SYK: variants seen among roughly 807,000 people sequenced by gnomAD.
The protein encoded by SYK is spleen associated tyrosine kinase, also known as tyrosine-protein kinase SYK.
SYK carries 16 observed loss-of-function variants against 77.8 expected under a neutral mutation model. The ratio of observed to expected loss-of-function variants is 0.21; its 90% CI spans 0.14 to 0.31. SYK has a LOEUF of 0.31. Ranked by LOEUF, SYK falls within the 10% of genes least tolerant of loss-of-function variation. The pLI is 1.00. For synonymous variants in SYK, 312 were observed against 308.7 expected (o/e 1.01, Z -0.11); for missense variants, 529 against 814.4 (o/e 0.65, Z 4.26).
chr9:90,886,016 C>G (rs1828560197), intron 11 of SYK, among the ~76,000 whole-genome samples: 1 of 152,140 alleles, frequency 6.6e-6, no homozygotes, highest in Non-Finnish European at 1.5e-5. Flanking sequence ...TAGACTGATC[C>G]TAGAAGAAAT....
At chr9:90,873,026 T>C (rs1827788559) in intron 7 of SYK, among the ~76,000 whole-genome samples, 1 of 152,232 alleles carries the variant, frequency 6.6e-6, no homozygotes, top group Non-Finnish European at 1.5e-5. Context: ...GCTTGGGCCA[T>C]GGTGAACAAT....
At chr9:90,809,202 G>A (rs1201977033) in intron 1 of SYK, among the ~76,000 whole-genome samples, 4 of 152,198 alleles carry the variant, frequency 2.6e-5, no homozygotes, top group African/African-American at 9.7e-5. Flanking sequence ...GCTCTGTCAT[G>A]AAGTCTGTCC....
At chr9:90,845,827 C>T (rs1468584836) in intron 3 of SYK, among the ~76,000 whole-genome samples, 1 of 152,100 alleles carries the variant, frequency 6.6e-6, no homozygotes, top group Non-Finnish European at 1.5e-5. Flanking sequence ...TTTTTGGGCA[C>T]CGAGGGATGT....
At chr9:90,819,400 A>C (rs1218379509) in intron 1 of SYK, among the ~76,000 whole-genome samples, 1 of 152,216 alleles carries the variant, frequency 6.6e-6, no homozygotes, top group African/African-American at 2.4e-5. Context: ...ACTGCTGATA[A>C]AGACATGCCC....
intron 3 of SYK, among the ~76,000 whole-genome samples, chr9:90,860,466 C>A (rs1827213222): frequency 6.6e-6 from 1 of 151,924 alleles, no homozygotes; most frequent in Non-Finnish European, 1.5e-5. Context: ...TTGTATTTAA[C>A]AGTCACCAAC....
chr9:90,840,887 G>A (rs1383550906), intron 1 of SYK, among the ~76,000 whole-genome samples: 7 of 152,182 alleles, frequency 4.6e-5, no homozygotes, highest in East Asian at 1.9e-4. Flanking sequence ...GATAGACACC[G>A]TCTGGGGAAA....
intron 13 of SYK, among the ~76,000 whole-genome samples, chr9:90,893,951 T>A (rs1158911049): frequency 6.6e-6 from 1 of 152,192 alleles, no homozygotes; most frequent in Non-Finnish European, 1.5e-5. Context: ...CTCCTGCTGC[T>A]GAAGCACAGC....
At chr9:90,887,688 C>A (rs1400828849) in intron 11 of SYK, 61 bp from the exon 12 acceptor site, 5 of 1,532,236 alleles carry the variant, frequency 3.3e-6, no homozygotes, top group African/African-American at 1.4e-5. Flanking sequence ...CAGGCATGAA[C>A]CAATGTGCCC....
intron 1 of SYK, among the ~76,000 whole-genome samples, chr9:90,811,816 A>G (rs1200306737): frequency 6.6e-6 from 1 of 151,356 alleles, no homozygotes; most frequent in African/African-American, 2.4e-5. Flanking sequence ...TCCCAGCTAC[A>G]TGGGGGCGCT....
At chr9:90,812,189 C>T (rs1181676975) in intron 1 of SYK, among the ~76,000 whole-genome samples, 2 of 152,082 alleles carry the variant, frequency 1.3e-5, no homozygotes, top group East Asian at 3.8e-4. Context: ...CTGCCTACTT[C>T]AGTGTGCCTG....
chr9:90,851,390 T>G (rs1252712766), intron 3 of SYK, among the ~76,000 whole-genome samples: 1 of 152,198 alleles, frequency 6.6e-6, no homozygotes, highest in African/African-American at 2.4e-5. Flanking sequence ...CACATGTGCT[T>G]GAAGAATAAC....
chr9:90,867,090 C>G (rs1827528181), intron 6 of SYK, 41 bp from the exon 7 acceptor site: 1 of 1,610,210 alleles, frequency 6.2e-7, no homozygotes, highest in Non-Finnish European at 8.5e-7. Flanking sequence ...TATTTGTTTT[C>G]TGAAACATTT....
rs376914469 is a variant in SYK at position 90,804,388 on chromosome 9, G to A, written c.-42+2495G>A. On this transcript the variant is annotated intron_variant, in intron 1 of 13. Transcript: ENST00000375754. ...CCTTTACAGCTGCAGTCTGTCCATG[G>A]AAGAAATATTATTTCCTGTTAACTT... Among the ~76,000 whole-genome samples, 46 of 152,336 alleles carry A rather than the reference G, an allele frequency of 3.0e-4. No individual in the cohort carries two copies. The East Asian group carries it at 5.4e-3, about 18-fold the overall frequency.
chr9:90,830,581 CTT>C (rs57804863), intron 1 of SYK, among the ~76,000 whole-genome samples: 1,878 of 111,510 alleles, frequency 0.017, 34 homozygotes, highest in East Asian at 0.15. Flanking sequence ...ACTCATTCCT[CTT>C]TTTTTTTTTT....
chr9:90,864,689 G>A (rs1334565989), intron 5 of SYK, 22 bp downstream of exon 5: 6 of 1,599,314 alleles, frequency 3.8e-6, no homozygotes, highest in Non-Finnish European at 4.3e-6. Context: ...AGACACTGGA[G>A]TCTCAGTGTT....
At chr9:90,872,476 G>T (rs1360659951) in intron 7 of SYK, among the ~76,000 whole-genome samples, 1 of 152,220 alleles carries the variant, frequency 6.6e-6, no homozygotes, top group Non-Finnish European at 1.5e-5. Flanking sequence ...GCCTAGAATT[G>T]GTTGCGGGAG....
chr9:90,888,673 C>T (rs1828672428), intron 13 of SYK, 46 bp downstream of exon 13: 1 of 1,391,354 alleles, frequency 7.2e-7, no homozygotes. Context: ...GCTCTGGAAA[C>T]AGGTGAAATG....
chr9:90,861,656 G>A (rs1221992137), intron 3 of SYK, among the ~76,000 whole-genome samples: 4 of 138,268 alleles, frequency 2.9e-5, no homozygotes, highest in Non-Finnish European at 6.3e-5. Flanking sequence ...ACTGAGGAAG[G>A]CCCGGGGGAT....
At chr9:90,853,882 T>C (rs1055693022) in intron 3 of SYK, among the ~76,000 whole-genome samples, 16 of 151,136 alleles carry the variant, frequency 1.1e-4, no homozygotes, top group Admixed American at 9.9e-4. Context: ...AATAATAAAA[T>C]AAAATAAAAT....
Sources: gnomAD v4.1 joint callset for allele counts (sites outside exome capture counted in the v4.1 genomes callset) on GRCh38, gnomAD v4.1.1 for gene constraint, MANE v1.5 for transcripts, NCBI Gene and HGNC (gene_info 2026-07-23, HGNC 2026-07-21) for gene names.